TACC2: variants seen among roughly 807,000 people sequenced by gnomAD.
The protein encoded by TACC2 is transforming acidic coiled-coil containing protein 2.
Under a neutral mutation model 227.3 loss-of-function variants are expected in TACC2, and 137 were observed. The observed-to-expected ratio is 0.60, with a 90% CI of 0.52 to 0.69. TACC2 has a LOEUF of 0.69. Among genes scored for constraint, TACC2 ranks in the 30% least tolerant of loss-of-function variants. TACC2 has a pLI of 0.00. For missense variants in TACC2, 3,470 were observed against 3,694.4 expected (o/e 0.94, Z 1.57); for synonymous variants, 1,523 against 1,487.5 (o/e 1.02, Z -0.55).
intron 1 of TACC2, among the ~76,000 whole-genome samples, chr10:122,009,582 C>T (rs1469004346): frequency 2.0e-5 from 3 of 152,048 alleles, no homozygotes; most frequent in Non-Finnish European, 4.4e-5. Flanking sequence ...ATAAACTGGC[C>T]AAATGGTACT....
Position 122,085,577 on chromosome 10 carries a change from C to T in TACC2, c.3077C>T (p.Pro1026Leu). 1 of 1,613,312 alleles carries T rather than the reference C, an allele frequency of 6.2e-7. No individual in the cohort carries two copies. The change falls in exon 4 of 23, where the codon CCA becomes CTA. Residue 1026 changes from proline to leucine, a missense_variant. By Grantham distance (98) the Pro-to-Leu change is moderately conservative. Transcript: ENST00000369005. ...GASEAADGCS[P>L]LWGLSKREMA... ...TCTGAAGCAGCTGATGGTTGTTCCC[C>T]ACTCTGGGGCTTGAGTAAGAGGGAG...
intron 3 of TACC2, among the ~76,000 whole-genome samples, chr10:122,081,325 C>T (rs1437938371): frequency 6.7e-6 from 1 of 149,384 alleles, no homozygotes; most frequent in African/African-American, 2.5e-5. Flanking sequence ...CGAGACCATC[C>T]TGGCTAACAT....
At position 122,118,015 on chromosome 10, in the gene TACC2, C is replaced by CT. The variant is rs902640167; in HGVS notation, c.5574-14578dup. Among the ~76,000 whole-genome samples the CT allele has an allele frequency of 9.8e-3, 1,351 of 138,520 alleles. 25 individuals carry two copies. Among genetic ancestry groups the CT allele is most frequent in the African/African-American group, 0.029 (1,098 of 37,868 alleles). The allele number at this position is 138,520 out of a possible 152,430, so 90.9% of individuals were successfully genotyped here. A position where few individuals can be genotyped will look rare whatever the true frequency, so the allele number is the denominator to read the frequency against. ...ACATTACCTTTGTTTTTCTCTTTTT[C>CT]TTTTTTTTTTTTTTTTGAGATGGAG... On this transcript the variant is annotated intron_variant, in intron 5 of 22. Transcript: ENST00000369005.
intron 7 of TACC2, among the ~76,000 whole-genome samples, chr10:122,162,623 G>A (rs567835139): frequency 1.3e-5 from 2 of 152,344 alleles, no homozygotes; most frequent in East Asian, 3.9e-4. Context: ...TTCTGCAGCA[G>A]CCTCCAGTGA....
chr10:122,111,127 G>T (rs993371919), intron 5 of TACC2, among the ~76,000 whole-genome samples: 2 of 152,156 alleles, frequency 1.3e-5, no homozygotes, highest in African/African-American at 4.8e-5. Flanking sequence ...GGGTCCACCT[G>T]GATACTCCAG....
At chr10:122,217,685 C>T (rs928767238) in intron 11 of TACC2, among the ~76,000 whole-genome samples, 1 of 152,066 alleles carries the variant, frequency 6.6e-6, no homozygotes, top group Admixed American at 6.5e-5. Flanking sequence ...GGTGATCTGC[C>T]TGCCTTGGCC....
In TACC2 at chr10:122,192,444, C is replaced by G. The variant is rs570823543; in HGVS notation, c.5835-2596C>G. ...CCCTTTGTGCTTCAGAGCCTGCTGTCGCCAGTGCCCAGGAATGCAGAAGCC... is the reference window on the plus strand; with the variant it reads ...CCCTTTGTGCTTCAGAGCCTGCTGTGGCCAGTGCCCAGGAATGCAGAAGCC... On this transcript the variant is annotated intron_variant, in intron 7 of 22. Coordinates refer to ENST00000369005, the MANE Select transcript of TACC2 (RefSeq NM_206862.4). 2.1e-5 allele frequency: 7 copies of G among 328,266 alleles called. 1 individual carries two copies. The Admixed American group carries it at 2.3e-4, about 11-fold the overall frequency. 20.3% of individuals were successfully genotyped at this position (328,266 alleles called of 1,614,324 possible). A position where few individuals can be genotyped will look rare whatever the true frequency, so the allele number is the denominator to read the frequency against.
intron 7 of TACC2, among the ~76,000 whole-genome samples, chr10:122,172,714 A>T (rs1431593411): frequency 6.6e-6 from 1 of 152,172 alleles, no homozygotes; most frequent in African/African-American, 2.4e-5. Context: ...AATGGCCCTA[A>T]GACGCCGTCC....
intron 7 of TACC2, among the ~76,000 whole-genome samples, chr10:122,193,495 T>A (rs1034807077): frequency 2.6e-5 from 4 of 152,158 alleles, no homozygotes; most frequent in African/African-American, 9.7e-5. Flanking sequence ...TGAGCATCTC[T>A]CAGCATTGGG....
chr10:122,223,393 T>TG (rs2095560724), intron 11 of TACC2, among the ~76,000 whole-genome samples: 5 of 152,126 alleles, frequency 3.3e-5, no homozygotes, highest in African/African-American at 1.2e-4. Flanking sequence ...AATGCTTCTG[T>TG]CTTAAGTTGG....
intron 5 of TACC2, among the ~76,000 whole-genome samples, chr10:122,122,890 T>C (rs1407740300): frequency 6.6e-6 from 1 of 152,204 alleles, no homozygotes; most frequent in African/African-American, 2.4e-5. Context: ...TAATATTTCA[T>C]ATATATTCAA....
At chr10:122,070,723 A>T (rs1332590203) in intron 3 of TACC2, among the ~76,000 whole-genome samples, 2 of 146,566 alleles carry the variant, frequency 1.4e-5, no homozygotes, top group Admixed American at 1.4e-4. Context: ...ATTGCACTCC[A>T]GCCTGGGCAA....
At chr10:122,244,025 C>T (rs1350125716) in intron 19 of TACC2, among the ~76,000 whole-genome samples, 1 of 152,218 alleles carries the variant, frequency 6.6e-6, no homozygotes, top group African/African-American at 2.4e-5. Context: ...AGATTACTCC[C>T]ACGGTTTCCT....
In TACC2 at chr10:122,087,091, C is replaced by A. The variant is rs1254746211; in HGVS notation, c.4591C>A (p.Pro1531Thr). Residue 1531 changes from proline (P) to threonine (T), a missense_variant, in exon 4 of 23, where the codon CCA becomes ACA. This residue lies in a region of TACC2 where 1,924 missense variants were observed against 1,978.3 expected (regional missense o/e 0.97). Transcript: ENST00000369005. ...ACCCACACTGAGGGAAGACGAGAGGCCAGAGGGGCCTGGGGCAGCCTGGCC... is the reference window on the plus strand; with the variant it reads ...ACCCACACTGAGGGAAGACGAGAGGACAGAGGGGCCTGGGGCAGCCTGGCC... Reference protein sequence around the residue: ...VPPTLREDERPEGPGAAWPGL... With the variant: ...VPPTLREDERTEGPGAAWPGL... The A allele has an allele frequency of 6.2e-7, 1 of 1,611,296 alleles. No homozygotes were observed. Among genetic ancestry groups the A allele is most frequent in the Admixed American group, 1.7e-5 (1 of 59,826 alleles).
At position 122,086,615 on chromosome 10, in the gene TACC2, G is replaced by T; in HGVS notation, c.4115G>T (p.Gly1372Val). ...MAGDAAGETEGSMERMGEPSQ... is the reference protein window; with the variant it reads ...MAGDAAGETEVSMERMGEPSQ... ...GGTGATGCAGCAGGAGAGACAGAGGGCAGCATGGAGAGGATGGGAGAGCCT... is the reference window on the plus strand; with the variant it reads ...GGTGATGCAGCAGGAGAGACAGAGGTCAGCATGGAGAGGATGGGAGAGCCT... Residue 1372 changes from glycine (G) to valine (V), a missense_variant, in exon 4 of 23, where the codon GGC becomes GTC. Gly to Val is a moderately radical substitution (Grantham distance 109, BLOSUM62 -3). Around this residue, in one of 10 missense-constraint regions of TACC2, gnomAD observed 1,924 missense variants for 1,978.3 expected, o/e 0.97. Transcript: ENST00000369005. The T allele has an allele frequency of 6.3e-7, 1 of 1,598,792 alleles. No individual in the cohort carries two copies. The highest frequency in any genetic ancestry group is 1.1e-5 in the South Asian group (1 of 87,282).
intron 8 of TACC2, among the ~76,000 whole-genome samples, chr10:122,201,476 G>A (rs1489156035): frequency 6.6e-6 from 1 of 152,214 alleles, no homozygotes. Context: ...ACACTGAAAG[G>A]ATGGCGACGT....
intron 1 of TACC2, among the ~76,000 whole-genome samples, chr10:122,003,455 C>T (rs1359602201): frequency 1.3e-5 from 2 of 151,984 alleles, no homozygotes; most frequent in African/African-American, 4.8e-5. Context: ...ATCCCATTGA[C>T]TCTGATATAT....
chr10:122,070,166 A>G (rs974248690), intron 3 of TACC2, among the ~76,000 whole-genome samples: 26 of 152,230 alleles, frequency 1.7e-4, no homozygotes, highest in Admixed American at 3.3e-4. Context: ...TGAGACAGGT[A>G]ACACCGGTAA....
chr10:122,012,025 C>T (rs1955987711), intron 1 of TACC2, among the ~76,000 whole-genome samples: 1 of 152,034 alleles, frequency 6.6e-6, no homozygotes, highest in Admixed American at 6.6e-5. Context: ...GCAACCTCCA[C>T]CTCCCAGGTT....
Sources: allele counts gnomAD v4.1 joint callset (sites outside exome capture counted in the v4.1 genomes callset), GRCh38; gene constraint gnomAD v4.1.1; regional missense constraint gnomAD v4.1.1; transcripts MANE v1.5; gene names NCBI Gene and HGNC (gene_info 2026-07-23, HGNC 2026-07-21).